AEBP2: variants seen among roughly 807,000 people sequenced by gnomAD.
The protein encoded by AEBP2 is zinc finger protein AEBP2.
Under a neutral mutation model 50.8 loss-of-function variants are expected in AEBP2, and 10 were observed. The ratio of observed to expected loss-of-function variants is 0.20; its 90% CI spans 0.12 to 0.33. The LOEUF (loss-of-function observed/expected upper bound fraction) is 0.33, where lower values mean the gene tolerates loss of function less well. Ranked by LOEUF, AEBP2 falls within the 10% of genes least tolerant of loss-of-function variation. The pLI is 1.00. For missense variants in AEBP2, 570 were observed against 688.0 expected, an observed-to-expected ratio of 0.83 and a Z score of 1.92; for synonymous variants, 296 against 261.3, an observed-to-expected ratio of 1.13 and a Z score of -1.28.
intron 1 of AEBP2, among the ~76,000 whole-genome samples, chr12:19,459,671 T>C (rs945846740): frequency 2.6e-5 from 4 of 152,196 alleles, no homozygotes; most frequent in Non-Finnish European, 4.4e-5. Flanking sequence ...TTTGAGAGTT[T>C]TACAGAGATT....
intron 3 of AEBP2, among the ~76,000 whole-genome samples, chr12:19,478,477 A>G (rs369884135): frequency 2.5e-4 from 38 of 152,060 alleles, no homozygotes; most frequent in African/African-American, 9.2e-4. Context: ...TTGTATTTTT[A>G]CAGGGTTTCA....
intron 5 of AEBP2, among the ~76,000 whole-genome samples, chr12:19,510,967 A>C (rs1160470059): frequency 2.1e-5 from 3 of 143,242 alleles, no homozygotes; most frequent in Admixed American, 7.6e-5. Context: ...TCAGCCTCCC[A>C]AGTAGCTGGG....
At chr12:19,474,034 CTA>C (rs1313281484) in intron 3 of AEBP2, among the ~76,000 whole-genome samples, 10 of 152,064 alleles carry the variant, frequency 6.6e-5, no homozygotes, top group Middle Eastern at 3.4e-3. Flanking sequence ...ACAACATTGA[CTA>C]TTATATAAAA....
At chr12:19,405,926 G>A (rs1487961533) in intron 1 of AEBP2, among the ~76,000 whole-genome samples, 2 of 150,552 alleles carry the variant, frequency 1.3e-5, no homozygotes, top group African/African-American at 2.4e-5. Context: ...GTCAGCCTCC[G>A]GAGTAGCTGG....
rs538107465 is a variant in AEBP2 at position 19,497,276 on chromosome 12, T to C, written c.1175-2821T>C. ...AGGAGAAGATAAATCATACAATATA[T>C]GTAATTTTGAACCATGGGAAAATAG... On this transcript the variant is annotated intron_variant, in intron 4 of 7. Transcript: ENST00000266508. Among the ~76,000 whole-genome samples, 6 of 150,490 alleles carry C rather than the reference T, an allele frequency of 4.0e-5. No homozygotes were observed. The South Asian group carries it at 1.3e-3, about 31-fold the overall frequency.
chr12:19,439,839 AGGAGGC>A lies in AEBP2; in HGVS notation c.147_152del (p.Glu52_Ala53del), dbSNP rs1405895995. ...GAGGAGGAAGAGGAGGAGGAGGAAG[AGGAGGC>A]GGAGGCCGAGGCGGTGGCGGCGCTG... On this transcript the variant is annotated inframe_deletion, in exon 1 of 8. Coordinates refer to ENST00000266508, the MANE Select transcript of AEBP2 (RefSeq NM_153207.5). 2 of 1,499,384 alleles carry A rather than the reference AGGAGGC, an allele frequency of 1.3e-6. No homozygotes were observed. Among genetic ancestry groups the A allele is most frequent in the African/African-American group, 1.5e-5 (1 of 68,520 alleles). 92.9% of individuals were successfully genotyped at this position (1,499,384 alleles called of 1,614,324 possible).
chr12:19,501,797 G>GTTTTTTGTTTTTTT (rs1555187205), intron 5 of AEBP2, among the ~76,000 whole-genome samples: 15 of 70,878 alleles, frequency 2.1e-4, no homozygotes, highest in East Asian at 4.9e-4. Flanking sequence ...AAATGAGTTT[G>GTTTTTTGTTTTTTT]TTTTTTTTTT....
chr12:19,517,933 A>G (rs138591647), intron 7 of AEBP2, among the ~76,000 whole-genome samples, 154 bp from the exon 8 acceptor site: 7 of 152,382 alleles, frequency 4.6e-5, no homozygotes, highest in African/African-American at 1.2e-4. Flanking sequence ...AACTAAGTAT[A>G]GATCCATATG....
At chr12:19,453,960 G>C (rs1948214779) in intron 1 of AEBP2, among the ~76,000 whole-genome samples, 1 of 151,934 alleles carries the variant, frequency 6.6e-6, no homozygotes, top group Non-Finnish European at 1.5e-5. Context: ...ACCATGCCTG[G>C]CCCCCAGTTT....
intron 1 of AEBP2, chr12:19,440,660 C>T (rs1235961982): frequency 2.0e-6 from 3 of 1,531,898 alleles, no homozygotes; most frequent in East Asian, 2.4e-5. Flanking sequence ...CGGAAACAGT[C>T]CCCAAACGGG....
chr12:19,446,530 C>G (rs950851678), intron 1 of AEBP2, among the ~76,000 whole-genome samples: 1 of 152,060 alleles, frequency 6.6e-6, no homozygotes, highest in African/African-American at 2.4e-5. Flanking sequence ...GAGATCAAGA[C>G]CATCCTGGCT....
intron 1 of AEBP2, chr12:19,456,699 A>C (rs1205007761): frequency 2.2e-5 from 35 of 1,580,838 alleles, no homozygotes; most frequent in Non-Finnish European, 3.0e-5. Flanking sequence ...CACATTCTTG[A>C]CATTGAAGCC....
chr12:19,436,839 A>AT (rs1486045170), upstream of AEBP2, among the ~76,000 whole-genome samples: 1 of 152,046 alleles, frequency 6.6e-6, no homozygotes, highest in Non-Finnish European at 1.5e-5. Context: ...GGCTCAAGTG[A>AT]TCCCCCTGCT....
upstream of AEBP2, among the ~76,000 whole-genome samples, chr12:19,439,104 A>G (rs1947892886): frequency 2.0e-5 from 3 of 152,208 alleles, no homozygotes; most frequent in South Asian, 6.2e-4. Flanking sequence ...TGTTGCGCAT[A>G]AAAATTTAGT....
intron 2 of AEBP2, among the ~76,000 whole-genome samples, chr12:19,469,836 T>G (rs1291289024): frequency 6.6e-6 from 1 of 152,224 alleles, no homozygotes; most frequent in Admixed American, 6.5e-5. Context: ...CCCCTGTGTC[T>G]TATTCTGTTA....
chr12:19,475,571 A>G (rs1044443891), intron 3 of AEBP2, among the ~76,000 whole-genome samples: 2 of 152,160 alleles, frequency 1.3e-5, no homozygotes, highest in Non-Finnish European at 2.9e-5. Flanking sequence ...AGTCATTCAT[A>G]TAATGACTTT....
At chr12:19,515,333 T>C (rs75497316) in intron 7 of AEBP2, among the ~76,000 whole-genome samples, 2,546 of 152,330 alleles carry the variant, frequency 0.017, 32 homozygotes, top group South Asian at 0.032. Flanking sequence ...TTCTCTTTTA[T>C]GTGCTGAGTC....
intron 3 of AEBP2, among the ~76,000 whole-genome samples, chr12:19,475,297 A>G (rs1156412051): frequency 7.0e-6 from 1 of 142,848 alleles, no homozygotes; most frequent in East Asian, 2.2e-4. Context: ...CTTAGCTCCT[A>G]ATTATAAGTG....
At chr12:19,513,269 A>G (rs559893609) in intron 6 of AEBP2, among the ~76,000 whole-genome samples, 3 of 151,972 alleles carry the variant, frequency 2.0e-5, no homozygotes, top group East Asian at 1.9e-4. Context: ...CAGTGATTAC[A>G]TTTTTCTTTA....
Sources: gnomAD v4.1 joint callset for allele counts (sites outside exome capture counted in the v4.1 genomes callset) on GRCh38, gnomAD v4.1.1 for gene constraint, MANE v1.5 for transcripts, NCBI Gene and HGNC (gene_info 2026-07-23, HGNC 2026-07-21) for gene names.